The following SNAI1 variants were observed in gnomAD, a reference collection of about 807,000 sequenced individuals.
The protein encoded by SNAI1 is zinc finger protein SNAI1.
SNAI1 carries 15 observed loss-of-function variants against 24.7 expected under a neutral mutation model. The observed-to-expected ratio is 0.61, with a 90% CI of 0.41 to 0.93. The LOEUF (loss-of-function observed/expected upper bound fraction) is 0.93. Ranked by LOEUF, SNAI1 falls within the 40% of genes least tolerant of loss-of-function variation. The probability of loss-of-function intolerance (pLI) is 0.00; values close to 1 mark genes in which losing one functional copy is unlikely to be tolerated. For missense variants in SNAI1, 283 were observed against 336.7 expected (o/e 0.84, Z 1.25); for synonymous variants, 163 against 142.9 (o/e 1.14, Z -1.00).
intron 2 of SNAI1, among the ~76,000 whole-genome samples, chr20:49,985,882 T>C (rs1252174381): frequency 1.3e-5 from 2 of 152,218 alleles, no homozygotes; most frequent in Non-Finnish European, 2.9e-5. Context: ...CATGAAGGCG[T>C]CTGGGGGGCG....
rs1365353171 is a variant in SNAI1, at chr20:49,986,009, C to T, written c.610+1658C>T. 4.9e-5 allele frequency among the ~76,000 whole-genome samples: 7 copies of T among 143,380 alleles called. No individual in the cohort carries two copies. In the South Asian group the frequency reaches 8.4e-4, roughly 17 times the overall value. 94.1% of individuals were successfully genotyped at this position (143,380 alleles called of 152,430 possible). On this transcript the variant is annotated intron_variant, in intron 2 of 2. Transcript: ENST00000244050. Reference sequence around the variant, plus strand: ...TTGTTTGGGTTCAGGTCTCATCACACTTTGGGCACTTACTGTACAGGAGGG... The same window carrying T: ...TTGTTTGGGTTCAGGTCTCATCACATTTTGGGCACTTACTGTACAGGAGGG...
intron 2 of SNAI1, among the ~76,000 whole-genome samples, chr20:49,985,848 C>T (rs1013659677): frequency 1.3e-5 from 2 of 152,226 alleles, no homozygotes; most frequent in Admixed American, 6.5e-5. Context: ...GGCCTGGTGC[C>T]GATTTCACAC....
In SNAI1 at chr20:49,988,343, A is replaced by T. The variant is rs1321801803; in HGVS notation, c.*287A>T. The T allele has an allele frequency of 2.7e-6, 1 of 370,724 alleles. No homozygotes were observed. Among genetic ancestry groups the T allele is most frequent in the Non-Finnish European group, 4.9e-6 (1 of 204,966 alleles). The allele number at this position is 370,724 out of a possible 1,614,324, so 23.0% of individuals were successfully genotyped here. On this transcript the variant is annotated 3_prime_UTR_variant, in exon 3 of 3. Coordinates refer to ENST00000244050, the MANE Select transcript of SNAI1 (RefSeq NM_005985.4). Reference sequence around the variant, plus strand: ...CTGGCCTGTCTGCGTGGGTTTTTGTATCCAGAGCTGTTTGGATACAGCTGC... The same window carrying T: ...CTGGCCTGTCTGCGTGGGTTTTTGTTTCCAGAGCTGTTTGGATACAGCTGC...
chr20:49,987,294 C>T (rs2078336889), intron 2 of SNAI1, among the ~76,000 whole-genome samples: 1 of 152,182 alleles, frequency 6.6e-6, no homozygotes, highest in Admixed American at 6.5e-5. Context: ...CCTCTTAAGG[C>T]TGACTCTGGC....
chr20:49,986,806 T>G (rs564664744), intron 2 of SNAI1, among the ~76,000 whole-genome samples: 1 of 152,192 alleles, frequency 6.6e-6, no homozygotes, highest in South Asian at 2.1e-4. Context: ...TATGACCTTT[T>G]ATTTGGAAAA....
At chr20:49,984,739 CTTT>C (rs939151420) in intron 2 of SNAI1, among the ~76,000 whole-genome samples, 3 of 152,262 alleles carry the variant, frequency 2.0e-5, no homozygotes, top group African/African-American at 7.2e-5. Context: ...CTGAATCCTT[CTTT>C]GAGAACTTTC....
chr20:49,984,460 C>A lies in SNAI1; in HGVS notation c.610+109C>A, dbSNP rs916254804. 256 of 1,136,282 alleles carry A rather than the reference C, an allele frequency of 2.3e-4. 2 individuals carry two copies. Among genetic ancestry groups the A allele is most frequent in the Non-Finnish European group, 6.9e-5 (57 of 825,002 alleles). The allele number at this position is 1,136,282 out of a possible 1,614,324, so 70.4% of individuals were successfully genotyped here. On this transcript the variant is annotated intron_variant, in intron 2 of 2. Coordinates refer to ENST00000244050, the MANE Select transcript of SNAI1 (RefSeq NM_005985.4). ...TGTGGACACTGAGGCCCCGAGTCTT[C>A]TAACTTCTAGCTCAAGTTCCAGGGC...
At chr20:49,983,733 G>A (rs2078324109) in intron 1 of SNAI1, 91 bp from the exon 2 acceptor site, 7 of 1,275,420 alleles carry the variant, frequency 5.5e-6, no homozygotes, top group Non-Finnish European at 7.5e-6. Context: ...TTGAGAATCG[G>A]CCCCACCCAG....
At chr20:49,987,776 G>A in intron 2 of SNAI1, 96 bp from the exon 3 acceptor site, 1 of 1,176,514 alleles carries the variant, frequency 8.5e-7, no homozygotes, top group Non-Finnish European at 1.2e-6. Context: ...GGGATCATGG[G>A]ATTCTTTCAG....
chr20:49,984,448 GC>G, intron 2 of SNAI1, 97 bp downstream of exon 2: 1 of 1,224,876 alleles, frequency 8.2e-7, no homozygotes, highest in Non-Finnish European at 1.1e-6. Context: ...GGACACTGAG[GC>G]CCCGAGTCTT....
intron 2 of SNAI1, among the ~76,000 whole-genome samples, chr20:49,987,629 C>T (rs1252866441): frequency 6.6e-6 from 1 of 152,130 alleles, no homozygotes; most frequent in Non-Finnish European, 1.5e-5. Context: ...TGAATAGCCC[C>T]ATTTTACAGG....
At chr20:49,984,394 A>G in intron 2 of SNAI1, 43 bp downstream of exon 2, 1 of 1,510,116 alleles carries the variant, frequency 6.6e-7, no homozygotes, top group Non-Finnish European at 8.9e-7. Context: ...TCTCTCTGGC[A>G]GCTTTTGTGA....
intron 2 of SNAI1, 54 bp from the exon 3 acceptor site, chr20:49,987,818 A>G (rs1600888906): frequency 6.5e-7 from 1 of 1,531,300 alleles, no homozygotes; most frequent in Admixed American, 1.7e-5. Flanking sequence ...GATTCCCATC[A>G]CTGCCAGCCG....
chr20:49,983,766 T>C (rs2078324246), intron 1 of SNAI1, 58 bp from the exon 2 acceptor site: 1 of 1,474,410 alleles, frequency 6.8e-7, no homozygotes, highest in South Asian at 1.3e-5. Flanking sequence ...GGTGGGCTCA[T>C]GTTTGTTGAT....
At chr20:49,985,164 T>G (rs1276164067) in intron 2 of SNAI1, among the ~76,000 whole-genome samples, 3 of 152,094 alleles carry the variant, frequency 2.0e-5, no homozygotes, top group Non-Finnish European at 2.9e-5. Flanking sequence ...TTTTGAAAAT[T>G]TACTAAATGT....
intron 1 of SNAI1, among the ~76,000 whole-genome samples, 188 bp from the exon 2 acceptor site, chr20:49,983,636 G>C (rs182253741): frequency 2.0e-5 from 3 of 152,114 alleles, no homozygotes; most frequent in South Asian, 2.1e-4. Flanking sequence ...GGGGTCCTAC[G>C]TGTGAGAGAC....
At chr20:49,986,387 AT>A (rs562370231) in intron 2 of SNAI1, among the ~76,000 whole-genome samples, 20 of 152,094 alleles carry the variant, frequency 1.3e-4, no homozygotes, top group African/African-American at 4.8e-4. Context: ...CATGGGTCCC[AT>A]TGGAGCCATC....
intron 2 of SNAI1, 125 bp downstream of exon 2, chr20:49,984,476 G>A (rs2078327853): frequency 7.0e-6 from 7 of 998,868 alleles, no homozygotes; most frequent in Non-Finnish European, 1.0e-5. Context: ...TCTAGCTCAA[G>A]TTCCAGGGCC....
At position 49,983,092 on chromosome 20, in the gene SNAI1, C is replaced by G. The variant is rs377595441; in HGVS notation, c.33C>G (p.Ser11=). 1 of 1,613,722 alleles carries G rather than the reference C, an allele frequency of 6.2e-7. No homozygotes were observed. The highest frequency in any genetic ancestry group is 1.3e-5 in the African/African-American group (1 of 74,896). The change falls in exon 1 of 3, where the codon TCC becomes TCG. Residue 11 remains serine (S), a synonymous_variant. Transcript: ENST00000244050. MPRSFLVRKP[S]DPNRKPNYSE... ...GCTCTTTCCTCGTCAGGAAGCCCTC[C>G]GACCCCAATCGGAAGCCTAACTACA...
Sources: allele counts gnomAD v4.1 joint callset (sites outside exome capture counted in the v4.1 genomes callset), GRCh38; gene constraint gnomAD v4.1.1; transcripts MANE v1.5; gene names NCBI Gene and HGNC (gene_info 2026-07-23, HGNC 2026-07-21).